The following OLAH variants were observed in gnomAD, a reference collection of about 807,000 sequenced individuals.
OLAH encodes S-acyl fatty acid synthase thioesterase, medium chain.
In OLAH, 33 loss-of-function variants were observed where a neutral mutation model predicts 27.8. The observed-to-expected ratio is 1.19, with a 90% confidence interval of 0.90 to 1.59. The LOEUF (loss-of-function observed/expected upper bound fraction) is 1.59. Ranked by LOEUF, OLAH falls within the 40% of genes most tolerant of loss-of-function variation. The pLI is 0.00. For synonymous variants in OLAH, 120 were observed against 102.9 expected (o/e 1.17, Z -1.01); for missense variants, 359 against 310.8 (o/e 1.16, Z -1.17).
At chr10:15,042,774 A>C (rs1054865559), upstream of OLAH, among the ~76,000 whole-genome samples, 1 of 150,516 alleles carries the variant, frequency 6.6e-6, no homozygotes, top group Non-Finnish European at 1.5e-5. Context: ...GGCAGAATGC[A>C]TTAGGGGTGA....
chr10:15,036,047 G>T (rs1250878711), intron 1 of OLAH, among the ~76,000 whole-genome samples: 1 of 152,164 alleles, frequency 6.6e-6, no homozygotes, highest in Non-Finnish European at 1.5e-5. Flanking sequence ...CCTGCAATGA[G>T]AAACCAGCAA....
chr10:15,065,939 C>A (rs1269144764), intron 6 of OLAH, among the ~76,000 whole-genome samples, 186 bp downstream of exon 6: 1 of 152,124 alleles, frequency 6.6e-6, no homozygotes, highest in Non-Finnish European at 1.5e-5. Flanking sequence ...GAAATTGTAT[C>A]TGTAAAAGAT....
At chr10:15,060,358 T>A (rs1844338936) in intron 3 of OLAH, among the ~76,000 whole-genome samples, 1 of 152,038 alleles carries the variant, frequency 6.6e-6, no homozygotes, top group Admixed American at 6.6e-5. Flanking sequence ...TTAGTAGAGA[T>A]GGGGTTTCAC....
chr10:15,050,948 T>G (rs1429060825), intron 3 of OLAH, among the ~76,000 whole-genome samples: 1 of 152,078 alleles, frequency 6.6e-6, no homozygotes, highest in Non-Finnish European at 1.5e-5. Context: ...TCTATTGCCT[T>G]ATTAGCCATA....
At chr10:15,068,441 C>T (rs141967740) in intron 6 of OLAH, among the ~76,000 whole-genome samples, 1,723 of 152,120 alleles carry the variant, frequency 0.011, 19 homozygotes, top group African/African-American at 0.036. Flanking sequence ...TGCCCAGGCT[C>T]GAGTGCAATG....
intron 3 of OLAH, among the ~76,000 whole-genome samples, chr10:15,051,423 G>A (rs1844139940): frequency 6.6e-6 from 1 of 152,224 alleles, no homozygotes; most frequent in African/African-American, 2.4e-5. Context: ...TGCTTCATCT[G>A]AGAGGGATTA....
At chr10:15,053,936 T>C (rs1013611867) in intron 3 of OLAH, among the ~76,000 whole-genome samples, 2 of 152,170 alleles carry the variant, frequency 1.3e-5, no homozygotes, top group African/African-American at 4.8e-5. Flanking sequence ...GCTTTTGCCA[T>C]GTTGTCTAGG....
chr10:15,052,302 A>G (rs1461401579), intron 3 of OLAH, among the ~76,000 whole-genome samples: 1 of 152,038 alleles, frequency 6.6e-6, no homozygotes, highest in Admixed American at 6.6e-5. Flanking sequence ...AATAAAAACA[A>G]TGTGGCTGCT....
intron 1 of OLAH, among the ~76,000 whole-genome samples, chr10:15,034,730 G>A (rs1006759644): frequency 1.3e-5 from 2 of 152,130 alleles, no homozygotes; most frequent in African/African-American, 4.8e-5. Flanking sequence ...CAAAACCAGA[G>A]AGTATCTTCA....
At chr10:15,071,020 G>A (rs1823882110) in intron 6 of OLAH, among the ~76,000 whole-genome samples, 1 of 152,094 alleles carries the variant, frequency 6.6e-6, no homozygotes, top group Non-Finnish European at 1.5e-5. Context: ...CTGGCCTTAA[G>A]TGATCCTCCT....
At chr10:15,052,077 G>A (rs1844154204) in intron 3 of OLAH, among the ~76,000 whole-genome samples, 1 of 152,148 alleles carries the variant, frequency 6.6e-6, no homozygotes, top group African/African-American at 2.4e-5. Context: ...GAGGTCAGGA[G>A]TTCAAGACTA....
intron 3 of OLAH, among the ~76,000 whole-genome samples, chr10:15,050,623 G>T (rs1380976214): frequency 7.0e-6 from 1 of 143,038 alleles, no homozygotes; most frequent in African/African-American, 2.6e-5. Flanking sequence ...CTCACTCCAA[G>T]CTCCGCTTCC....
intron 1 of OLAH, among the ~76,000 whole-genome samples, chr10:15,045,535 G>A (rs141521749): frequency 6.6e-6 from 1 of 152,126 alleles, no homozygotes; most frequent in Non-Finnish European, 1.5e-5. Flanking sequence ...CTCTGGCCCA[G>A]AATTACTAAG....
chr10:15,069,182 A>G (rs1844530726), intron 6 of OLAH, among the ~76,000 whole-genome samples: 1 of 152,172 alleles, frequency 6.6e-6, no homozygotes, highest in South Asian at 2.1e-4. Flanking sequence ...CTTTCTCAGC[A>G]TGCCTGCTCC....
chr10:15,071,918 TG>T, intron 7 of OLAH, 41 bp downstream of exon 7: 2 of 1,471,124 alleles, frequency 1.4e-6, no homozygotes, highest in Non-Finnish European at 1.9e-6. Flanking sequence ...TTGAAATATA[TG>T]TTTGATGGCT....
At chr10:15,038,829 T>C (rs1289283073) in intron 1 of OLAH, 2 of 152,208 alleles carry the variant, frequency 1.3e-5, no homozygotes, top group African/African-American at 2.4e-5. Context: ...TGTGGGAGAA[T>C]TGATGAAATA....
At position 15,072,643 on chromosome 10, in the gene OLAH, C is replaced by G. The variant is rs565268078; in HGVS notation, c.656-444C>G. On this transcript the variant is annotated intron_variant, in intron 7 of 7. Coordinates refer to ENST00000378228, the MANE Select transcript of OLAH (RefSeq NM_001039702.3). ...CAAGCTTGGAATGTTTCTGTGTGAGCGAGAAGTTTTATGGTAGGGTTGGAA... is the reference window on the plus strand; with the variant it reads ...CAAGCTTGGAATGTTTCTGTGTGAGGGAGAAGTTTTATGGTAGGGTTGGAA... 4.0e-5 allele frequency among the ~76,000 whole-genome samples: 6 copies of G among 151,216 alleles called. No individual in the cohort carries two copies. In the East Asian group the frequency reaches 1.2e-3, roughly 29 times the overall value.
At chr10:15,063,073 C>A (rs956281565) in intron 4 of OLAH, among the ~76,000 whole-genome samples, 1 of 152,140 alleles carries the variant, frequency 6.6e-6, no homozygotes, top group African/African-American at 2.4e-5. Context: ...TAGTATAAAT[C>A]TCCTATCAGT....
At chr10:15,063,016 G>T (rs1844398843) in intron 4 of OLAH, among the ~76,000 whole-genome samples, 1 of 152,146 alleles carries the variant, frequency 6.6e-6, no homozygotes, top group Admixed American at 6.6e-5. Context: ...TGGGATTACA[G>T]GTGTGAGCTG....
Sources: gnomAD v4.1 joint callset for allele counts (sites outside exome capture counted in the v4.1 genomes callset) on GRCh38, gnomAD v4.1.1 for gene constraint, MANE v1.5 for transcripts, NCBI Gene and HGNC (gene_info 2026-07-23, HGNC 2026-07-21) for gene names.